Variants in PKP4 observed in about 807,000 individuals in gnomAD.
The protein encoded by PKP4 is plakophilin 4, also known as plakophilin-4.
In PKP4, 90 loss-of-function variants were observed where a neutral mutation model predicts 145.1. That is an observed-to-expected ratio of 0.62 (90% confidence interval 0.52 to 0.74). PKP4 has a LOEUF of 0.74. Ranked by LOEUF, PKP4 falls within the 30% of genes least tolerant of loss-of-function variation. The pLI is 0.00. For synonymous variants in PKP4, 563 were observed against 577.2 expected, an observed-to-expected ratio of 0.98 and a Z score of 0.35; for missense variants, 1,340 against 1,482.7, an observed-to-expected ratio of 0.90 and a Z score of 1.58.
intron 2 of PKP4, among the ~76,000 whole-genome samples, chr2:158,572,779 A>T (rs951176846): frequency 2.0e-5 from 3 of 152,240 alleles, no homozygotes; most frequent in African/African-American, 7.2e-5. Context: ...ATACAAAATA[A>T]AACACAAGCA....
intron 1 of PKP4, among the ~76,000 whole-genome samples, chr2:158,531,451 A>G (rs962559908): frequency 2.0e-5 from 3 of 152,180 alleles, no homozygotes; most frequent in South Asian, 2.1e-4. Flanking sequence ...ATACTTTTAT[A>G]TCTTTACTTG....
rs534713282 is a variant in PKP4, at chr2:158,655,721, G to T, written c.1910-2410G>T. ...CTGTGACAGAAAATTTGTGCCAATG[G>T]CATTAGGAATCACATGTTATGAAAC... On this transcript the variant is annotated intron_variant, in intron 11 of 21. Coordinates refer to ENST00000389759, the MANE Select transcript of PKP4 (RefSeq NM_003628.6). 1.4e-3 allele frequency among the ~76,000 whole-genome samples: 213 copies of T among 152,324 alleles called. 2 individuals carry two copies. Among genetic ancestry groups the T allele is most frequent in the South Asian group, 8.1e-3 (39 of 4,832 alleles).
rs183244656 is a variant in PKP4 at position 158,500,965 on chromosome 2, G to A, written c.-5-32215G>A. 1.5e-3 allele frequency among the ~76,000 whole-genome samples: 227 copies of A among 152,158 alleles called. 1 individual carries two copies. The highest frequency in any genetic ancestry group is 5.0e-3 in the African/African-American group (207 of 41,498). On this transcript the variant is annotated intron_variant, in intron 1 of 21. Transcript: ENST00000389759. ...TGATACTGCCTCTAATGAAGGAGCC[G>A]TTCTTATAGAGCAGTTACTTTGAGG... is the stretch of plus-strand genomic sequence containing the variant.
At chr2:158,496,640 A>G (rs1695754326) in intron 1 of PKP4, among the ~76,000 whole-genome samples, 1 of 152,150 alleles carries the variant, frequency 6.6e-6, no homozygotes. Flanking sequence ...TTCAGCCTTC[A>G]CATGTTTACC....
intron 2 of PKP4, among the ~76,000 whole-genome samples, chr2:158,554,909 C>G (rs565793159): frequency 6.6e-6 from 1 of 152,234 alleles, no homozygotes; most frequent in East Asian, 1.9e-4. Context: ...GCAAGAACAG[C>G]AGGGGTCCAC....
intron 15 of PKP4, among the ~76,000 whole-genome samples, chr2:158,664,096 C>T (rs114013638): frequency 0.013 from 1,993 of 152,294 alleles, 36 homozygotes; most frequent in Middle Eastern, 0.051. Flanking sequence ...GTGACAGAGA[C>T]GGGCTAATAT....
chr2:158,464,016 C>T (rs533633801), intron 1 of PKP4, among the ~76,000 whole-genome samples: 6 of 152,300 alleles, frequency 3.9e-5, no homozygotes, highest in African/African-American at 1.4e-4. Flanking sequence ...CTGGGACTTA[C>T]TTGTCTACAA....
intron 1 of PKP4, among the ~76,000 whole-genome samples, chr2:158,499,345 A>G (rs997726622): frequency 6.6e-6 from 1 of 152,122 alleles, no homozygotes; most frequent in Non-Finnish European, 1.5e-5. Context: ...AGCAGTCCCA[A>G]CAGCCTGCCC....
intron 4 of PKP4, among the ~76,000 whole-genome samples, chr2:158,619,291 C>T (rs766859350): frequency 2.0e-5 from 3 of 152,226 alleles, no homozygotes; most frequent in African/African-American, 4.8e-5. Context: ...CATGTTTCAA[C>T]GTGTACCAGG....
rs140207971 is a variant in PKP4, at chr2:158,680,583, T to C, written c.3485T>C (p.Leu1162Pro). ...ASTDYSTQYG[L>P]KSTTNYVDFY... The stretch of plus-strand genomic sequence containing the variant: ...ACTGATTACTCAACACAGTATGGAC[T>C]GAAATCGACCACAAATTATGTAGAC... The change falls in exon 22 of 22, where the codon CTG becomes CCG. Residue 1162 changes from leucine to proline, a missense_variant. Physicochemically the swap from Leu to Pro is moderately conservative, Grantham distance 98. Coordinates refer to ENST00000389759, the MANE Select transcript of PKP4 (RefSeq NM_003628.6). 24 of 1,613,966 alleles carry C rather than the reference T, an allele frequency of 1.5e-5. No homozygotes were observed. Among genetic ancestry groups the C allele is most frequent in the Non-Finnish European group, 1.8e-5 (21 of 1,179,934 alleles).
intron 1 of PKP4, among the ~76,000 whole-genome samples, chr2:158,481,609 T>C (rs1303426626): frequency 1.3e-5 from 2 of 152,248 alleles, no homozygotes; most frequent in Non-Finnish European, 2.9e-5. Context: ...TACCTCATAG[T>C]AGTTTTGATT....
chr2:158,525,563 A>G (rs1045756589), intron 1 of PKP4, among the ~76,000 whole-genome samples: 1 of 57,706 alleles, frequency 1.7e-5, no homozygotes, highest in Non-Finnish European at 3.2e-5. Flanking sequence ...CTAACATCAC[A>G]ATTAAAAGAA....
At chr2:158,495,442 A>C (rs1431328797) in intron 1 of PKP4, among the ~76,000 whole-genome samples, 1 of 152,086 alleles carries the variant, frequency 6.6e-6, no homozygotes, top group Non-Finnish European at 1.5e-5. Flanking sequence ...AAGTGGACAA[A>C]AACTGTTTTC....
chr2:158,590,228 C>T (rs1191738506), intron 3 of PKP4, among the ~76,000 whole-genome samples: 1 of 151,696 alleles, frequency 6.6e-6, no homozygotes, highest in Non-Finnish European at 1.5e-5. Context: ...AAAAAACTCC[C>T]ATTAAATACC....
chr2:158,484,032 CTTTTTTTTT>C (rs11289096), intron 1 of PKP4, among the ~76,000 whole-genome samples: 3 of 95,950 alleles, frequency 3.1e-5, no homozygotes, highest in South Asian at 3.7e-4. Context: ...TTTTCTTTTT[CTTTTTTTTT>C]TTTTTTTTTT....
intron 7 of PKP4, among the ~76,000 whole-genome samples, chr2:158,626,914 G>A (rs989354579): frequency 6.6e-6 from 1 of 151,936 alleles, no homozygotes; most frequent in African/African-American, 2.4e-5. Flanking sequence ...TTTCCATTTT[G>A]TCACTTCTTT....
intron 4 of PKP4, among the ~76,000 whole-genome samples, chr2:158,605,790 A>C (rs1285744564): frequency 6.6e-6 from 1 of 152,102 alleles, no homozygotes; most frequent in Non-Finnish European, 1.5e-5. Context: ...CTGTCACGCC[A>C]TTTTACCCCC....
At chr2:158,500,705 T>C (rs983853035) in intron 1 of PKP4, among the ~76,000 whole-genome samples, 2 of 152,228 alleles carry the variant, frequency 1.3e-5, no homozygotes, top group Non-Finnish European at 2.9e-5. Context: ...TGGAGCTACC[T>C]TTGCAGAGTT....
intron 21 of PKP4, chr2:158,679,419 G>A (rs1199722049): frequency 6.6e-6 from 1 of 152,136 alleles, no homozygotes; most frequent in Non-Finnish European, 1.5e-5. Context: ...AACTTTCCAA[G>A]TTATTCATAA....
Sources: allele counts gnomAD v4.1 joint callset (sites outside exome capture counted in the v4.1 genomes callset), GRCh38; gene constraint gnomAD v4.1.1; transcripts MANE v1.5; gene names NCBI Gene and HGNC (gene_info 2026-07-23, HGNC 2026-07-21).